The following MACROD2 variants were observed in gnomAD, a reference collection of about 807,000 sequenced individuals.
MACROD2 encodes mono-ADP ribosylhydrolase 2, also known as ADP-ribose glycohydrolase MACROD2.
MACROD2 carries 36 observed loss-of-function variants against 70.4 expected under a neutral mutation model. That is an observed-to-expected ratio of 0.51 (90% confidence interval 0.39 to 0.68). The LOEUF is 0.68. MACROD2 is among the 30% of genes least tolerant of loss of function. The pLI is 0.00. For synonymous variants in MACROD2, 172 were observed against 178.8 expected, an observed-to-expected ratio of 0.96 and a Z score of 0.30; for missense variants, 496 against 538.4, an observed-to-expected ratio of 0.92 and a Z score of 0.78.
chr20:15,281,097 T>A (rs1051333199), intron 6 of MACROD2, among the ~76,000 whole-genome samples: 8 of 152,200 alleles, frequency 5.3e-5, no homozygotes, highest in Admixed American at 2.0e-4. Context: ...TCAGATCTTG[T>A]GAGAACTCAC....
chr20:15,884,591 A>G (rs887631747), intron 9 of MACROD2, among the ~76,000 whole-genome samples: 1 of 152,098 alleles, frequency 6.6e-6, no homozygotes, highest in Non-Finnish European at 1.5e-5. Flanking sequence ...AGTGAGATAC[A>G]GGAGAGAGAA....
At chr20:14,487,031 C>T (rs1036548086) in intron 3 of MACROD2, among the ~76,000 whole-genome samples, 1 of 152,194 alleles carries the variant, frequency 6.6e-6, no homozygotes, top group African/African-American at 2.4e-5. Context: ...CTTAAACTCC[C>T]ATGAGGGCAT....
intron 8 of MACROD2, among the ~76,000 whole-genome samples, chr20:15,511,228 GA>G (rs1367301263): frequency 6.6e-6 from 1 of 152,036 alleles, no homozygotes; most frequent in African/African-American, 2.4e-5. Flanking sequence ...GAGATAAGGA[GA>G]AAAAAATATT....
intron 3 of MACROD2, among the ~76,000 whole-genome samples, chr20:14,215,724 A>G (rs759401904): frequency 1.3e-5 from 2 of 152,136 alleles, no homozygotes; most frequent in Non-Finnish European, 2.9e-5. Flanking sequence ...GTGAGGTGCT[A>G]TCGCATTGTG....
chr20:15,880,982 C>T (rs185795376), intron 9 of MACROD2, among the ~76,000 whole-genome samples: 10 of 152,168 alleles, frequency 6.6e-5, no homozygotes, highest in Non-Finnish European at 1.3e-4. Flanking sequence ...TGTATATTTC[C>T]CAATACAACT....
At chr20:15,760,404 A>G (rs1048840986) in intron 8 of MACROD2, among the ~76,000 whole-genome samples, 1 of 152,216 alleles carries the variant, frequency 6.6e-6, no homozygotes, top group Non-Finnish European at 1.5e-5. Flanking sequence ...GCTTCGGCAG[A>G]CAGCTGAGAA....
chr20:15,178,633 T>C (rs2076478932), intron 5 of MACROD2, among the ~76,000 whole-genome samples: 1 of 152,202 alleles, frequency 6.6e-6, no homozygotes, highest in Non-Finnish European at 1.5e-5. Context: ...GAGTCCTTGC[T>C]CAACCTGCAC....
intron 3 of MACROD2, among the ~76,000 whole-genome samples, chr20:14,207,827 C>G (rs1479198392): frequency 6.6e-6 from 1 of 152,128 alleles, no homozygotes; most frequent in African/African-American, 2.4e-5. Context: ...TTTGGGTTAC[C>G]CCTCTGGGCA....
intron 5 of MACROD2, among the ~76,000 whole-genome samples, chr20:14,799,492 G>GA (rs2072548480): frequency 2.0e-5 from 3 of 152,208 alleles, no homozygotes; most frequent in African/African-American, 7.2e-5. Context: ...AGATGATGTT[G>GA]AGTTCTGCAT....
intron 8 of MACROD2, among the ~76,000 whole-genome samples, chr20:15,586,893 C>G (rs1439222489): frequency 2.0e-5 from 3 of 151,896 alleles, no homozygotes; most frequent in Non-Finnish European, 2.9e-5. Flanking sequence ...TTTGTGAGAT[C>G]TACATAAAAA....
intron 3 of MACROD2, among the ~76,000 whole-genome samples, chr20:14,389,544 C>A (rs979111403): frequency 6.6e-6 from 1 of 151,732 alleles, no homozygotes; most frequent in African/African-American, 2.4e-5. Context: ...CTGTTCACAT[C>A]GAGATGATTG....
chr20:14,722,753 C>G (rs2071484547), intron 5 of MACROD2, among the ~76,000 whole-genome samples: 1 of 152,020 alleles, frequency 6.6e-6, no homozygotes, highest in Non-Finnish European at 1.5e-5. Context: ...TGAAACAAAG[C>G]TAATAAAATT....
intron 3 of MACROD2, among the ~76,000 whole-genome samples, chr20:14,095,757 C>T (rs1479804644): frequency 6.6e-6 from 1 of 152,010 alleles, no homozygotes; most frequent in East Asian, 1.9e-4. Context: ...ATGTTTTAGT[C>T]CTTCTCTGGG....
chr20:14,594,938 C>A (rs963714310), intron 4 of MACROD2, among the ~76,000 whole-genome samples: 1 of 151,962 alleles, frequency 6.6e-6, no homozygotes, highest in Non-Finnish European at 1.5e-5. Context: ...AGTTATCAAC[C>A]CCAAATTTCA....
At position 14,520,683 on chromosome 20, in the gene MACROD2, TG is replaced by T; in HGVS notation, c.301+27176del. On this transcript the variant is annotated intron_variant, in intron 4 of 17. Coordinates refer to ENST00000684519, the MANE Select transcript of MACROD2 (RefSeq NM_001351661.2). ...GCTCAAATATTAATACCACCTACTT[TG>T]TGTAAACTTTCCTGACTTCCCCAGG... 2.0e-5 allele frequency among the ~76,000 whole-genome samples: 3 copies of T among 152,326 alleles called. No individual in the cohort carries two copies. In the East Asian group the frequency reaches 5.8e-4, roughly 29 times the overall value.
chr20:15,445,872 A>G (rs542196332), intron 7 of MACROD2, among the ~76,000 whole-genome samples: 103 of 152,270 alleles, frequency 6.8e-4, no homozygotes, highest in Admixed American at 5.7e-3. Flanking sequence ...TCCAGCCAAT[A>G]GGGTGAAATA....
chr20:15,467,760 T>G (rs921341838), intron 7 of MACROD2, among the ~76,000 whole-genome samples: 10 of 152,184 alleles, frequency 6.6e-5, no homozygotes, highest in African/African-American at 2.4e-4. Flanking sequence ...CTTTGTTTAT[T>G]CATTCCACAA....
chr20:14,716,126 G>C (rs973767176), intron 5 of MACROD2, among the ~76,000 whole-genome samples: 2 of 152,130 alleles, frequency 1.3e-5, no homozygotes, highest in African/African-American at 4.8e-5. Flanking sequence ...TCTGCCTAGA[G>C]TTTTTCCAGA....
chr20:14,744,959 CA>C (rs1345962662), intron 5 of MACROD2, among the ~76,000 whole-genome samples: 1 of 152,118 alleles, frequency 6.6e-6, no homozygotes, highest in Non-Finnish European at 1.5e-5. Context: ...ATGTGTTTCT[CA>C]GCAATAGATA....
Sources: allele counts gnomAD v4.1 joint callset (sites outside exome capture counted in the v4.1 genomes callset), GRCh38; gene constraint gnomAD v4.1.1; transcripts MANE v1.5; gene names NCBI Gene and HGNC (gene_info 2026-07-23, HGNC 2026-07-21).